Variants in SEC13 observed in about 807,000 individuals in gnomAD.
The protein encoded by SEC13 is protein SEC13 homolog.
SEC13 carries 25 observed loss-of-function variants against 49.2 expected under a neutral mutation model. The observed-to-expected ratio is 0.51, with a 90% CI of 0.37 to 0.71. The LOEUF (loss-of-function observed/expected upper bound fraction) is 0.71, where lower values mean the gene tolerates loss of function less well. Among genes scored for constraint, SEC13 ranks in the 30% least tolerant of loss-of-function variants. SEC13 has a pLI of 0.00. For synonymous variants in SEC13, 148 were observed against 163.9 expected, an observed-to-expected ratio of 0.90 and a Z score of 0.74; for missense variants, 383 against 417.6, an observed-to-expected ratio of 0.92 and a Z score of 0.72.
intron 2 of SEC13, among the ~76,000 whole-genome samples, chr3:10,317,431 G>A (rs1421208918): frequency 6.6e-6 from 1 of 152,206 alleles, no homozygotes; most frequent in Admixed American, 6.5e-5. Flanking sequence ...CCTGAATGAA[G>A]CAGAGTCTGT....
At chr3:10,310,806 C>T (rs1005855952) in intron 5 of SEC13, among the ~76,000 whole-genome samples, 6 of 152,016 alleles carry the variant, frequency 3.9e-5, no homozygotes, top group African/African-American at 1.4e-4. Flanking sequence ...TTCATAAGGC[C>T]GAGAACATCC....
Position 10,301,221 on chromosome 3 carries a change from C to T in SEC13, c.*40G>A, listed in dbSNP as rs1700483509. The T allele has an allele frequency of 6.2e-7, 1 of 1,614,118 alleles. No homozygotes were observed. Among genetic ancestry groups the T allele is most frequent in the African/African-American group, 1.3e-5 (1 of 75,026 alleles). The stretch of plus-strand genomic sequence containing the variant: ...TTAGTTGGCCCAGGAAGGGGCAGTC[C>T]TGGAGCTGGCGGGTGGGGAGCCAGG... On this transcript the variant is annotated 3_prime_UTR_variant, in exon 9 of 9. Transcript: ENST00000350697.
At chr3:10,311,560 G>T (rs1258028477) in intron 5 of SEC13, 7 of 833,614 alleles carry the variant, frequency 8.4e-6, no homozygotes, top group Non-Finnish European at 1.0e-5. Context: ...CAAAAGTTGG[G>T]TAAAGAATGA....
chr3:10,316,763 A>C (rs535078203), intron 2 of SEC13, among the ~76,000 whole-genome samples: 8 of 152,356 alleles, frequency 5.3e-5, no homozygotes, highest in African/African-American at 1.7e-4. Flanking sequence ...GCACTTTGGG[A>C]AGCTGAGGCG....
In SEC13 at chr3:10,301,171, T is replaced by C. The variant is rs762690424; in HGVS notation, c.*90A>G. ...TCCTGGGAAAATAATCCTGTTGGAG[T>C]TGGGGGCTCTTCCCAGTTGTCTGGT... On this transcript the variant is annotated 3_prime_UTR_variant, in exon 9 of 9. Transcript: ENST00000350697. 4.3e-5 allele frequency: 69 copies of C among 1,613,728 alleles called. No homozygotes were observed. The highest frequency in any genetic ancestry group is 1.6e-4 in the Middle Eastern group (1 of 6,084).
At position 10,305,626 on chromosome 3, in the gene SEC13, C is replaced by T; in HGVS notation, c.517G>A (p.Gly173Arg). ...CTCTTGATGTAATTGGGTTTCTGCC[C>T]CGATGGGTGGTCTATGAGGCTTCCA... ...VPGSLIDHPS[G>R]QKPNYIKRFA... Residue 173 changes from glycine (G) to arginine (R), a missense_variant, in exon 6 of 9, where the codon GGG becomes AGG. Physicochemically the swap from Gly to Arg is moderately radical, Grantham distance 125. Coordinates refer to ENST00000350697, the MANE Select transcript of SEC13 (RefSeq NM_183352.3). The T allele has an allele frequency of 6.2e-7, 1 of 1,614,144 alleles. No homozygotes were observed. Among genetic ancestry groups the T allele is most frequent in the Non-Finnish European group, 8.5e-7 (1 of 1,180,010 alleles).
rs751183326 is a variant in SEC13 at position 10,318,112 on chromosome 3, A to G, written c.4-18T>C. On this transcript the variant is annotated intron_variant, in intron 1 of 8. Coordinates refer to ENST00000350697, the MANE Select transcript of SEC13 (RefSeq NM_183352.3). Reference sequence around the variant, plus strand: ...ACTGACACCTAGAACCAAAGATATCACTGGTAAATTAACTCATGGCAGTTA... The same window carrying G: ...ACTGACACCTAGAACCAAAGATATCGCTGGTAAATTAACTCATGGCAGTTA... The G allele has an allele frequency of 2.5e-6, 4 of 1,571,938 alleles. No homozygotes were observed. Among genetic ancestry groups the G allele is most frequent in the Non-Finnish European group, 8.8e-7 (1 of 1,142,040 alleles).
chr3:10,320,638 A>G, intron 1 of SEC13: 1 of 1,014,984 alleles, frequency 9.9e-7, no homozygotes, highest in Non-Finnish European at 1.2e-6. Flanking sequence ...AAGAGGCTCC[A>G]CGTCTCCGAA....
chr3:10,305,344 C>G, intron 6 of SEC13, 188 bp from the exon 7 acceptor site: 1 of 1,106,636 alleles, frequency 9.0e-7, no homozygotes, highest in Non-Finnish European at 1.3e-6. Flanking sequence ...GCTCTGCTTC[C>G]ACAGCCAAAG....
intron 3 of SEC13, chr3:10,313,349 A>G (rs952275238): frequency 1.8e-5 from 9 of 491,562 alleles, no homozygotes; most frequent in Non-Finnish European, 3.0e-5. Flanking sequence ...GAGGTAGAGT[A>G]GCATGGTAGA....
intron 3 of SEC13, chr3:10,313,290 C>T (rs141317747): frequency 0.02 from 7,297 of 362,926 alleles, 97 homozygotes; most frequent in South Asian, 0.031. Flanking sequence ...AGGCTTTGTA[C>T]GGTGACCATT....
At chr3:10,319,808 G>C (rs1454315414) in intron 1 of SEC13, among the ~76,000 whole-genome samples, 2 of 45,392 alleles carry the variant, frequency 4.4e-5, no homozygotes, top group South Asian at 1.2e-3. Context: ...GCGGGGGGGG[G>C]GGGGGGGGAG....
At position 10,310,173 on chromosome 3, in the gene SEC13, T is replaced by TTTGA. The variant is rs1701164176; in HGVS notation, c.450+1788_450+1791dup. On this transcript the variant is annotated intron_variant, in intron 5 of 8. Transcript: ENST00000350697. ...CCCCCAGAAGATGCTCACCATCATC[T>TTTGA]TTGATTAGCAAAATGCAAATAAAAA... Among the ~76,000 whole-genome samples, 3 of 152,294 alleles carry TTTGA rather than the reference T, an allele frequency of 2.0e-5. No individual in the cohort carries two copies. The South Asian group carries it at 6.2e-4, about 32-fold the overall frequency.
At chr3:10,312,159 T>C in intron 4 of SEC13, 61 bp from the exon 5 acceptor site, 6 of 1,517,404 alleles carry the variant, frequency 4.0e-6, no homozygotes, top group Non-Finnish European at 5.3e-6. Flanking sequence ...AGGTCCCGCC[T>C]TCCACAGATT....
intron 6 of SEC13, 163 bp from the exon 7 acceptor site, chr3:10,305,319 A>T (rs1283344233): frequency 8.2e-7 from 1 of 1,222,898 alleles, no homozygotes; most frequent in African/African-American, 1.5e-5. Flanking sequence ...CTGTAAAAAA[A>T]ACCCTCCAGA....
rs776958130 is a variant in SEC13 at position 10,301,307 on chromosome 3, C to T, written c.923G>A (p.Gly308Asp). The change falls in exon 9 of 9, where the codon GGC (glycine) becomes GAC (aspartate). Residue 308 changes from glycine to aspartate, a missense_variant. Physicochemically the swap from Gly to Asp is moderately conservative, Grantham distance 94. Coordinates refer to ENST00000350697, the MANE Select transcript of SEC13 (RefSeq NM_183352.3). The part of the protein sequence containing the change: ...VCISDVNKGQ[G>D]SVSASVTEGQ... ...CTCTGTCACTGATGCTGATACGGAG[C>T]CCTGGCCCTTGTTGACATCACTGAT... 1.5e-5 allele frequency: 24 copies of T among 1,614,134 alleles called. No homozygotes were observed. The highest frequency in any genetic ancestry group is 7.6e-6 in the Non-Finnish European group (9 of 1,180,026).
intron 1 of SEC13, 52 bp downstream of exon 1, chr3:10,320,998 G>A (rs895144429): frequency 1.7e-5 from 28 of 1,606,364 alleles, no homozygotes; most frequent in Non-Finnish European, 2.3e-5. Context: ...AACCCGTGAA[G>A]GCCGCGACCG....
Position 10,301,152 on chromosome 3 carries a change from G to A in SEC13, c.*109C>T, listed in dbSNP as rs1221700244. ...TGGCTGCATCTGTAACTCCTCCTGGGAAAATAATCCTGTTGGAGTTGGGGG... is the reference window on the plus strand; with the variant it reads ...TGGCTGCATCTGTAACTCCTCCTGGAAAAATAATCCTGTTGGAGTTGGGGG... On this transcript the variant is annotated 3_prime_UTR_variant, in exon 9 of 9. Transcript: ENST00000350697. 3 of 1,613,972 alleles carry A rather than the reference G, an allele frequency of 1.9e-6. No individual in the cohort carries two copies. The highest frequency in any genetic ancestry group is 1.7e-5 in the Admixed American group (1 of 60,024).
chr3:10,304,242 A>T, intron 7 of SEC13, 70 bp from the exon 8 acceptor site: 1 of 1,527,954 alleles, frequency 6.5e-7, no homozygotes, highest in South Asian at 1.1e-5. Flanking sequence ...ATGTCCTCCC[A>T]GTCTAGAGCC....
Sources: allele counts gnomAD v4.1 joint callset (sites outside exome capture counted in the v4.1 genomes callset), GRCh38; gene constraint gnomAD v4.1.1; transcripts MANE v1.5; gene names NCBI Gene and HGNC (gene_info 2026-07-23, HGNC 2026-07-21).